The following LRBA variants were observed in gnomAD, a reference collection of about 807,000 sequenced individuals.
The protein encoded by LRBA is lipopolysaccharide-responsive and beige-like anchor protein.
In LRBA, 176 loss-of-function variants were observed where a neutral mutation model predicts 330.0. The observed-to-expected ratio is 0.53, with a 90% confidence interval of 0.47 to 0.60. The LOEUF (loss-of-function observed/expected upper bound fraction) is 0.60. Among genes scored for constraint, LRBA ranks in the 20% least tolerant of loss-of-function variants. The probability of loss-of-function intolerance (pLI) is 0.00; values close to 1 mark genes in which losing one functional copy is unlikely to be tolerated. For missense variants in LRBA, 3,259 were observed against 3,444.8 expected (o/e 0.95, Z 1.35); for synonymous variants, 1,230 against 1,193.0 (o/e 1.03, Z -0.64).
intron 28 of LRBA, among the ~76,000 whole-genome samples, chr4:150,837,527 T>C (rs1748314632): frequency 6.6e-6 from 1 of 152,244 alleles, no homozygotes; most frequent in Admixed American, 6.5e-5. Flanking sequence ...TCTTGTTGAA[T>C]TGATCCCTTT....
chr4:150,388,698 T>G (rs1345012830), intron 47 of LRBA, among the ~76,000 whole-genome samples: 2 of 152,200 alleles, frequency 1.3e-5, no homozygotes, highest in African/African-American at 4.8e-5. Context: ...ATAAAGTGCT[T>G]AAACTAGTTC....
rs112942084 is a variant in LRBA, at chr4:150,819,420, C to CA, written c.5172-2164dup. Reference sequence around the variant, plus strand: ...CTTTCATTGTATGTAAATTTTAGCTCAAAAAAAAAAACTGTATTCATCTCC... The same window carrying CA: ...CTTTCATTGTATGTAAATTTTAGCTCAAAAAAAAAAAACTGTATTCATCTCC... On this transcript the variant is annotated intron_variant, in intron 30 of 56. Coordinates refer to ENST00000651943, the MANE Select transcript of LRBA (RefSeq NM_001364905.1). Among the ~76,000 whole-genome samples, 1,083 of 140,774 alleles carry CA rather than the reference C, an allele frequency of 7.7e-3. 8 individuals carry two copies. The highest frequency in any genetic ancestry group is 0.019 in the Middle Eastern group (5 of 264). The allele number at this position is 140,774 out of a possible 152,430, so 92.4% of individuals were successfully genotyped here. A position where few individuals can be genotyped will look rare whatever the true frequency, so the allele number is the denominator to read the frequency against.
chr4:150,801,122 T>C (rs1741550646), intron 33 of LRBA, among the ~76,000 whole-genome samples: 1 of 152,208 alleles, frequency 6.6e-6, no homozygotes, highest in South Asian at 2.1e-4. Context: ...AAATAATTTA[T>C]TTTTTAAAAT....
intron 35 of LRBA, among the ~76,000 whole-genome samples, chr4:150,741,043 T>C (rs1055478706): frequency 6.6e-6 from 1 of 152,056 alleles, no homozygotes; most frequent in East Asian, 1.9e-4. Context: ...GACCTAAAGA[T>C]TTCAGGAAGT....
At position 150,555,620 on chromosome 4, in the gene LRBA, G is replaced by A. The variant is rs760204776; in HGVS notation, c.6330+32428C>T. Among the ~76,000 whole-genome samples the A allele has an allele frequency of 9.2e-5, 14 of 151,846 alleles. 1 individual carries two copies. The highest frequency in any genetic ancestry group is 3.9e-4 in the Admixed American group (6 of 15,264). On this transcript the variant is annotated intron_variant, in intron 40 of 56. Coordinates refer to ENST00000651943, the MANE Select transcript of LRBA (RefSeq NM_001364905.1). ...AAAAAAATTAGCTGGGCATGGTGGCGCACGCCTGTAGTCTCAGCTACTTGG... is the reference window on the plus strand; with the variant it reads ...AAAAAAATTAGCTGGGCATGGTGGCACACGCCTGTAGTCTCAGCTACTTGG...
At chr4:150,444,191 G>T (rs1008561682) in intron 44 of LRBA, among the ~76,000 whole-genome samples, 1 of 151,796 alleles carries the variant, frequency 6.6e-6, no homozygotes, top group East Asian at 1.9e-4. Context: ...GGTAAATGTT[G>T]TCACCAAAGT....
chr4:150,371,029 G>C lies in LRBA; in HGVS notation c.7195-20870C>G, dbSNP rs112962144. On this transcript the variant is annotated intron_variant, in intron 47 of 56. Transcript: ENST00000651943. ...CCTTCATTCCCACCAAATGTGCCAC[G>C]GCCTACAGAGAAAGAAGCATTAATT... is the stretch of plus-strand genomic sequence containing the variant. Among the ~76,000 whole-genome samples, 33 of 151,866 alleles carry C rather than the reference G, an allele frequency of 2.2e-4. 2 individuals are homozygous for C. In the South Asian group the frequency reaches 6.9e-3, roughly 32 times the overall value.
chr4:150,477,642 G>C (rs1267316410), intron 42 of LRBA, among the ~76,000 whole-genome samples: 7 of 152,072 alleles, frequency 4.6e-5, no homozygotes, highest in Non-Finnish European at 1.0e-4. Flanking sequence ...AACCCCCAGT[G>C]TTGGAGGTGG....
At chr4:150,560,531 T>G (rs942237835) in intron 40 of LRBA, among the ~76,000 whole-genome samples, 1 of 152,160 alleles carries the variant, frequency 6.6e-6, no homozygotes, top group African/African-American at 2.4e-5. Context: ...TAACTATACT[T>G]TGATTAATAC....
chr4:150,832,589 G>C (rs1259196288), intron 28 of LRBA, among the ~76,000 whole-genome samples: 2 of 152,028 alleles, frequency 1.3e-5, no homozygotes, highest in Non-Finnish European at 2.9e-5. Context: ...GAGTGAGTGA[G>C]ACTCTATCTC....
chr4:150,935,472 C>A (rs1362340640), intron 2 of LRBA, among the ~76,000 whole-genome samples: 1 of 152,010 alleles, frequency 6.6e-6, no homozygotes, highest in South Asian at 2.1e-4. Flanking sequence ...AAATTTTTTT[C>A]CACTTTTGAT....
intron 28 of LRBA, among the ~76,000 whole-genome samples, chr4:150,839,681 G>A (rs1399518284): frequency 6.6e-6 from 1 of 152,104 alleles, no homozygotes; most frequent in East Asian, 1.9e-4. Flanking sequence ...GGTGGGAATT[G>A]AACAATGAGA....
intron 28 of LRBA, among the ~76,000 whole-genome samples, chr4:150,835,256 T>C (rs1294608602): frequency 6.6e-6 from 1 of 152,210 alleles, no homozygotes; most frequent in Non-Finnish European, 1.5e-5. Context: ...CCAGCTTTGT[T>C]CTTTTGGCTT....
intron 37 of LRBA, among the ~76,000 whole-genome samples, chr4:150,631,809 T>C (rs551262272): frequency 3.8e-4 from 58 of 152,258 alleles, no homozygotes; most frequent in African/African-American, 1.4e-3. Context: ...TGAATTTAGT[T>C]GGGACATGTT....
At chr4:150,312,931 A>G (rs1041320901) in intron 51 of LRBA, among the ~76,000 whole-genome samples, 2 of 151,996 alleles carry the variant, frequency 1.3e-5, no homozygotes, top group African/African-American at 2.4e-5. Context: ...TGTATTTTTA[A>G]TAAATGTTCA....
intron 40 of LRBA, among the ~76,000 whole-genome samples, chr4:150,544,774 A>G (rs1257395160): frequency 6.6e-6 from 1 of 152,200 alleles, no homozygotes; most frequent in Non-Finnish European, 1.5e-5. Flanking sequence ...TTGGGCTTAC[A>G]TATATCAAAT....
In LRBA at chr4:150,350,026, T is replaced by C; in HGVS notation, c.7328A>G (p.Asn2443Ser). 6.2e-7 allele frequency: 1 copy of C among 1,613,760 alleles called. No homozygotes were observed. The highest frequency in any genetic ancestry group is 2.2e-5 in the East Asian group (1 of 44,810). The change falls in exon 48 of 57, where the codon AAT (asparagine) becomes AGT (serine). Residue 2443 changes from asparagine (N) to serine (S), a missense_variant. Coordinates refer to ENST00000651943, the MANE Select transcript of LRBA (RefSeq NM_001364905.1). ...CACAGGATCAGTTATTGAATTCAGA[T>C]TGACAGCTCCTTCATAGGTCAAGTA... The part of the protein sequence containing the change: ...FYYLTYEGAV[N>S]LNSITDPVLR...
chr4:150,794,472 G>A (rs1407537777), intron 34 of LRBA, among the ~76,000 whole-genome samples: 2 of 151,498 alleles, frequency 1.3e-5, no homozygotes, highest in Non-Finnish European at 3.0e-5. Context: ...ATAAAGAAAC[G>A]TTTTACTGAA....
At position 150,867,967 on chromosome 4, in the gene LRBA, A is replaced by G. The variant is rs1350209134; in HGVS notation, c.2574-104T>C. On this transcript the variant is annotated intron_variant, in intron 21 of 56. Coordinates refer to ENST00000651943, the MANE Select transcript of LRBA (RefSeq NM_001364905.1). ...AACCCTGCCCCTCCCTTTCCCCCCGAAAAAGAAACACATTTAGTTATACAT... is the reference window on the plus strand; with the variant it reads ...AACCCTGCCCCTCCCTTTCCCCCCGGAAAAGAAACACATTTAGTTATACAT... The G allele has an allele frequency of 2.0e-5, 20 of 1,012,492 alleles. No individual in the cohort carries two copies. In the East Asian group the frequency reaches 4.9e-4, roughly 25 times the overall value. The allele number at this position is 1,012,492 out of a possible 1,614,324, so 62.7% of individuals were successfully genotyped here.
Sources: gnomAD v4.1 joint callset for allele counts (sites outside exome capture counted in the v4.1 genomes callset) on GRCh38, gnomAD v4.1.1 for gene constraint, MANE v1.5 for transcripts, NCBI Gene and HGNC (gene_info 2026-07-23, HGNC 2026-07-21) for gene names.